ATF3: variants seen among roughly 807,000 people sequenced by gnomAD.
ATF3 encodes the protein activating transcription factor 3, also known as cyclic AMP-dependent transcription factor ATF-3.
In ATF3, 10 loss-of-function variants were observed where a neutral mutation model predicts 18.4. The ratio of observed to expected loss-of-function variants is 0.54; its 90% CI spans 0.34 to 0.92. The LOEUF is 0.92. Among genes scored for constraint, ATF3 ranks in the 40% least tolerant of loss-of-function variants. ATF3 has a pLI of 0.02. For synonymous variants in ATF3, 78 were observed against 87.9 expected (o/e 0.89, Z 0.63); for missense variants, 183 against 222.3 (o/e 0.82, Z 1.12).
Position 212,615,203 on chromosome 1 carries a change from C to T in ATF3, c.182C>T (p.Ala61Val), listed in dbSNP as rs187549802. 84 of 1,614,208 alleles carry T rather than the reference C, an allele frequency of 5.2e-5. 1 individual carries two copies. Among genetic ancestry groups the T allele is most frequent in the Admixed American group, 2.2e-4 (13 of 60,026 alleles). ...CACCTCTGCCACCGGATGTCCTCTGCGCTGGAATCAGTCACTGTCAGCGAC... is the reference window on the plus strand; with the variant it reads ...CACCTCTGCCACCGGATGTCCTCTGTGCTGGAATCAGTCACTGTCAGCGAC... ...NKHLCHRMSS[A>V]LESVTVSDRP... is the part of the protein sequence containing the mutation. The change falls in exon 2 of 4, where the codon GCG becomes GTG. Residue 61 changes from alanine to valine, a missense_variant. Transcript: ENST00000341491.
At chr1:212,587,548 G>A (rs1247882430) in intron 1 of ATF3, among the ~76,000 whole-genome samples, 1 of 152,164 alleles carries the variant, frequency 6.6e-6, no homozygotes, top group Admixed American at 6.5e-5. Flanking sequence ...CAGGGAAGCT[G>A]CCATTGGTCA....
chr1:212,582,606 C>G (rs1424713525), intron 1 of ATF3, among the ~76,000 whole-genome samples: 1 of 152,158 alleles, frequency 6.6e-6, no homozygotes, highest in Non-Finnish European at 1.5e-5. Flanking sequence ...GCTTCCGTCC[C>G]CTGCACTGAG....
intron 1 of ATF3, among the ~76,000 whole-genome samples, chr1:212,576,514 A>G (rs1011827501): frequency 4.6e-5 from 7 of 151,392 alleles, no homozygotes; most frequent in Admixed American, 4.6e-4. Context: ...CACTTTACTT[A>G]TTTATTGTGC....
At chr1:212,566,599 G>C (rs996737764) in intron 1 of ATF3, among the ~76,000 whole-genome samples, 2 of 152,082 alleles carry the variant, frequency 1.3e-5, no homozygotes, top group African/African-American at 4.8e-5. Flanking sequence ...TGGAGGTCAC[G>C]GTCAGCTGTG....
intron 2 of ATF3, 54 bp downstream of exon 2, chr1:212,615,315 CTG>C: frequency 6.3e-7 from 1 of 1,587,110 alleles, no homozygotes; most frequent in Non-Finnish European, 8.6e-7. Flanking sequence ...CTCGCAGCCA[CTG>C]TGTGTTGGGC....
At chr1:212,569,700 G>A (rs1664445942) in intron 1 of ATF3, among the ~76,000 whole-genome samples, 1 of 149,104 alleles carries the variant, frequency 6.7e-6, no homozygotes, top group Non-Finnish European at 1.5e-5. Flanking sequence ...TTTAATGATT[G>A]TACAGGAGTT....
intron 1 of ATF3, among the ~76,000 whole-genome samples, chr1:212,599,460 G>A (rs999726301): frequency 1.6e-4 from 25 of 152,142 alleles, no homozygotes; most frequent in Non-Finnish European, 2.9e-4. Context: ...AACCAGTGAG[G>A]TAGATTTTCA....
intron 1 of ATF3, among the ~76,000 whole-genome samples, chr1:212,571,953 C>A (rs995464575): frequency 1.3e-5 from 1 of 76,458 alleles, no homozygotes; most frequent in Non-Finnish European, 3.4e-5. Context: ...ACCTCGTGAT[C>A]CGCCCGGCTC....
At chr1:212,613,958 T>C (rs1654996032) in intron 1 of ATF3, 1 of 152,186 alleles carries the variant, frequency 6.6e-6, no homozygotes, top group Non-Finnish European at 1.5e-5. Context: ...CCCTCGGAAG[T>C]TGGGCCCAAG....
At chr1:212,580,914 G>GC (rs1471348012) in intron 1 of ATF3, among the ~76,000 whole-genome samples, 2 of 152,006 alleles carry the variant, frequency 1.3e-5, no homozygotes, top group Non-Finnish European at 2.9e-5. Flanking sequence ...GATTACAGGT[G>GC]CCCCCCACCA....
At chr1:212,604,313 A>C (rs370421368), upstream of ATF3, among the ~76,000 whole-genome samples, 5 of 152,132 alleles carry the variant, frequency 3.3e-5, no homozygotes, top group Admixed American at 6.5e-5. Flanking sequence ...CCAGGACTTC[A>C]TCTTGGATTC....
upstream of ATF3, among the ~76,000 whole-genome samples, chr1:212,605,796 C>T (rs182074102): frequency 1.3e-5 from 2 of 152,180 alleles, no homozygotes; most frequent in African/African-American, 2.4e-5. Context: ...TCTCACTCAG[C>T]AAAACATACC....
chr1:212,606,506 TTG>T (rs1250874235), upstream of ATF3, among the ~76,000 whole-genome samples: 1 of 152,208 alleles, frequency 6.6e-6, no homozygotes, highest in Non-Finnish European at 1.5e-5. Flanking sequence ...TTGCATTGTT[TTG>T]TGGAGGACGG....
rs187847264 is a variant in ATF3 at position 212,586,509 on chromosome 1, C to T, written c.-5+21026C>T. On this transcript the variant is annotated intron_variant, in intron 1 of 3. Coordinates refer to the ATF3 transcript ENST00000366981. ...ATGCAGTGAGCACTAAAGGAGTATT[C>T]GGTGAATGAATGAATGACTACATCG... Among the ~76,000 whole-genome samples, 302 of 152,264 alleles carry T rather than the reference C, an allele frequency of 2.0e-3. 3 individuals are homozygous for T. Among genetic ancestry groups the T allele is most frequent in the Non-Finnish European group, 9.7e-4 (66 of 68,028 alleles).
chr1:212,573,628 A>G (rs1052989502), intron 1 of ATF3, among the ~76,000 whole-genome samples: 6 of 151,960 alleles, frequency 3.9e-5, no homozygotes, highest in African/African-American at 1.4e-4. Context: ...AATGTTTGAA[A>G]TTACTGAAAC....
chr1:212,568,853 G>A (rs1344632052), intron 1 of ATF3, among the ~76,000 whole-genome samples: 2 of 152,162 alleles, frequency 1.3e-5, no homozygotes, highest in Non-Finnish European at 2.9e-5. Context: ...GTTACTGTAG[G>A]TTTATTAATG....
intron 1 of ATF3, among the ~76,000 whole-genome samples, chr1:212,599,601 T>A (rs562739862): frequency 1.6e-4 from 25 of 152,312 alleles, no homozygotes; most frequent in Admixed American, 1.4e-3. Context: ...TACTTTGATA[T>A]CCCCAACATG....
intron 1 of ATF3, among the ~76,000 whole-genome samples, chr1:212,587,920 A>G (rs1390588714): frequency 1.4e-5 from 2 of 145,970 alleles, no homozygotes; most frequent in Non-Finnish European, 3.0e-5. Flanking sequence ...TTAGCAATGC[A>G]GCAGTGCAAG....
At chr1:212,614,684 T>G (rs975096524) in intron 1 of ATF3, among the ~76,000 whole-genome samples, 1 of 152,020 alleles carries the variant, frequency 6.6e-6, no homozygotes, top group African/African-American at 2.4e-5. Context: ...TTTTAAAAAA[T>G]GTTCTTCCTC....
Sources: allele counts gnomAD v4.1 joint callset (sites outside exome capture counted in the v4.1 genomes callset), GRCh38; gene constraint gnomAD v4.1.1; transcripts MANE v1.5; gene names NCBI Gene and HGNC (gene_info 2026-07-23, HGNC 2026-07-21).